The following PTPRD variants were observed in gnomAD, a reference collection of about 807,000 sequenced individuals.
PTPRD encodes receptor-type tyrosine-protein phosphatase delta.
In PTPRD, 34 loss-of-function variants were observed where a neutral mutation model predicts 214.5. The ratio of observed to expected loss-of-function variants is 0.16; its 90% CI spans 0.12 to 0.21. The LOEUF is 0.21. Among genes scored for constraint, PTPRD ranks in the 10% least tolerant of loss-of-function variants. PTPRD has a pLI of 1.00. For synonymous variants in PTPRD, 1,128 were observed against 845.7 expected, an observed-to-expected ratio of 1.33 and a Z score of -5.79; for missense variants, 2,545 against 2,398.7, an observed-to-expected ratio of 1.06 and a Z score of -1.27.
At chr9:10,186,491 G>C (rs952591652) in intron 3 of PTPRD, among the ~76,000 whole-genome samples, 2 of 152,038 alleles carry the variant, frequency 1.3e-5, no homozygotes, top group Admixed American at 6.6e-5. Context: ...GAAAGCATGA[G>C]GCTATTATAA....
At chr9:8,804,063 C>A (rs1345678224) in intron 11 of PTPRD, among the ~76,000 whole-genome samples, 1 of 152,042 alleles carries the variant, frequency 6.6e-6, no homozygotes, top group Non-Finnish European at 1.5e-5. Context: ...AGCAATTCTC[C>A]TGCCTCAGCC....
chr9:9,794,291 G>A (rs112312348), intron 5 of PTPRD, among the ~76,000 whole-genome samples: 1 of 151,758 alleles, frequency 6.6e-6, no homozygotes, highest in African/African-American at 2.4e-5. Flanking sequence ...TGCCCATGTT[G>A]ACCATGGAAG....
At chr9:8,728,888 G>C (rs1204975989) in intron 12 of PTPRD, among the ~76,000 whole-genome samples, 1 of 152,176 alleles carries the variant, frequency 6.6e-6, no homozygotes, top group East Asian at 1.9e-4. Flanking sequence ...GCTGAGGCAA[G>C]AGGATTGCTG....
intron 10 of PTPRD, among the ~76,000 whole-genome samples, chr9:9,088,462 C>T (rs907804514): frequency 1.3e-5 from 2 of 150,894 alleles, no homozygotes; most frequent in African/African-American, 4.9e-5. Flanking sequence ...CACCTATAAT[C>T]CCAGCTACTC....
At chr9:9,705,770 A>G (rs1294345979) in intron 7 of PTPRD, among the ~76,000 whole-genome samples, 1 of 152,214 alleles carries the variant, frequency 6.6e-6, no homozygotes, top group Non-Finnish European at 1.5e-5. Flanking sequence ...GTGCAGAATG[A>G]TTTTTAAATT....
At chr9:9,387,592 T>C (rs1356369809) in intron 9 of PTPRD, among the ~76,000 whole-genome samples, 1 of 152,164 alleles carries the variant, frequency 6.6e-6, no homozygotes, top group Non-Finnish European at 1.5e-5. Context: ...ATATCACATA[T>C]CTTCTTTAAA....
intron 8 of PTPRD, among the ~76,000 whole-genome samples, chr9:9,526,694 A>G (rs917088676): frequency 2.6e-5 from 4 of 152,164 alleles, no homozygotes; most frequent in Admixed American, 1.3e-4. Context: ...TATCTGAAAT[A>G]TGCTTCTAAG....
At chr9:8,825,606 G>C (rs1463705294) in intron 11 of PTPRD, among the ~76,000 whole-genome samples, 2 of 152,126 alleles carry the variant, frequency 1.3e-5, no homozygotes, top group African/African-American at 4.8e-5. Context: ...CTTGGATTTT[G>C]GCAAGAAAGA....
At chr9:9,265,173 A>T (rs1241350963) in intron 9 of PTPRD, among the ~76,000 whole-genome samples, 1 of 151,736 alleles carries the variant, frequency 6.6e-6, no homozygotes, top group African/African-American at 2.4e-5. Flanking sequence ...ATCATTTTTA[A>T]CTTTAGTATA....
intron 2 of PTPRD, among the ~76,000 whole-genome samples, chr9:10,460,696 A>C (rs1002184495): frequency 6.6e-6 from 1 of 152,132 alleles, no homozygotes; most frequent in African/African-American, 2.4e-5. Flanking sequence ...TATCCGAGAC[A>C]ATGAAATGGA....
chr9:8,687,383 AT>A (rs2097702920), intron 12 of PTPRD, among the ~76,000 whole-genome samples: 1 of 152,238 alleles, frequency 6.6e-6, no homozygotes, highest in South Asian at 2.1e-4. Context: ...AAACTATGGC[AT>A]TTTCAAAGGA....
chr9:9,329,881 A>G (rs1287443436), intron 9 of PTPRD, among the ~76,000 whole-genome samples: 1 of 152,214 alleles, frequency 6.6e-6, no homozygotes, highest in Non-Finnish European at 1.5e-5. Context: ...GTTCTACATA[A>G]GCCAATTCCC....
At chr9:9,547,560 T>A (rs2079089309) in intron 8 of PTPRD, among the ~76,000 whole-genome samples, 1 of 152,020 alleles carries the variant, frequency 6.6e-6, no homozygotes, top group Non-Finnish European at 1.5e-5. Flanking sequence ...AGTGTGTGAT[T>A]CAGTGACTGA....
intron 2 of PTPRD, among the ~76,000 whole-genome samples, chr9:10,498,685 A>C (rs914741689): frequency 5.3e-5 from 8 of 152,002 alleles, no homozygotes; most frequent in Non-Finnish European, 1.0e-4. Context: ...TGTATATTAT[A>C]AATAGCAATT....
intron 8 of PTPRD, among the ~76,000 whole-genome samples, chr9:9,524,350 A>G (rs768498176): frequency 2.5e-4 from 38 of 152,066 alleles, no homozygotes; most frequent in Admixed American, 6.6e-4. Context: ...TCTAACAAAT[A>G]TGTCTAGGTT....
chr9:10,327,578 A>T (rs2096667424), intron 3 of PTPRD, among the ~76,000 whole-genome samples: 1 of 151,714 alleles, frequency 6.6e-6, no homozygotes, highest in Non-Finnish European at 1.5e-5. Context: ...GAGAAACATA[A>T]CAAAATCTAG....
intron 2 of PTPRD, among the ~76,000 whole-genome samples, chr9:10,348,871 C>G (rs1009462590): frequency 6.6e-6 from 1 of 152,044 alleles, no homozygotes; most frequent in African/African-American, 2.4e-5. Context: ...AAGCTATATA[C>G]CTCCCTAACA....
chr9:8,836,538 C>T (rs1230256311), intron 11 of PTPRD, among the ~76,000 whole-genome samples: 1 of 144,368 alleles, frequency 6.9e-6, no homozygotes, highest in Non-Finnish European at 1.5e-5. Context: ...CTTTGATACA[C>T]ATTTTTTAAA....
chr9:8,966,429 A>T (rs975258686), intron 11 of PTPRD, among the ~76,000 whole-genome samples: 5 of 151,924 alleles, frequency 3.3e-5, no homozygotes, highest in African/African-American at 1.2e-4. Flanking sequence ...AGAAAAAAAA[A>T]AGCAACAAAA....
Sources: gnomAD v4.1 joint callset for allele counts (sites outside exome capture counted in the v4.1 genomes callset) on GRCh38, gnomAD v4.1.1 for gene constraint, MANE v1.5 for transcripts, NCBI Gene and HGNC (gene_info 2026-07-23, HGNC 2026-07-21) for gene names.